Variants in SLCO1A2 observed in about 807,000 individuals in gnomAD.
SLCO1A2 encodes OATP-1.
A neutral mutation model predicts 69.0 loss-of-function variants in SLCO1A2; 67 were observed. That is an observed-to-expected ratio of 0.97 (90% CI 0.80 to 1.19). SLCO1A2 has a LOEUF of 1.19. Among genes scored for constraint, SLCO1A2 ranks in the 50% most tolerant of loss-of-function variants. The pLI is 0.00. For missense variants in SLCO1A2, 787 were observed against 793.7 expected, an observed-to-expected ratio of 0.99 and a Z score of 0.10; for synonymous variants, 260 against 265.9, an observed-to-expected ratio of 0.98 and a Z score of 0.22.
chr12:21,286,043 C>T (rs1945722117), intron 12 of SLCO1A2, among the ~76,000 whole-genome samples: 1 of 151,726 alleles, frequency 6.6e-6, no homozygotes, highest in South Asian at 2.1e-4. Flanking sequence ...AAAAGGTATT[C>T]AATTAGGAAA....
chr12:21,322,052 T>C (rs1280381892), intron 2 of SLCO1A2, among the ~76,000 whole-genome samples: 2 of 152,100 alleles, frequency 1.3e-5, no homozygotes, highest in Non-Finnish European at 2.9e-5. Flanking sequence ...AGAATAAGTA[T>C]CAAAAACATC....
At chr12:21,308,602 A>T (rs11045962) in intron 4 of SLCO1A2, among the ~76,000 whole-genome samples, 40,028 of 152,098 alleles carry the variant, frequency 0.26, 7,235 homozygotes, top group African/African-American at 0.51. Flanking sequence ...TACAAAAAAA[A>T]TGGGGGTATT....
chr12:21,373,121 T>A (rs1939919363), intron 2 of SLCO1A2: 2 of 566,098 alleles, frequency 3.5e-6, no homozygotes, highest in Admixed American at 6.1e-5. Context: ...ACAATATAAA[T>A]GTTCAGATTG....
At chr12:21,295,984 G>T (rs960478938) in intron 9 of SLCO1A2, among the ~76,000 whole-genome samples, 192 bp from the exon 10 acceptor site, 2 of 152,130 alleles carry the variant, frequency 1.3e-5, no homozygotes, top group Non-Finnish European at 2.9e-5. Flanking sequence ...CCATAATGGG[G>T]AAGTATATTT....
intron 1 of SLCO1A2, among the ~76,000 whole-genome samples, chr12:21,374,778 C>T (rs1422718579): frequency 6.6e-6 from 1 of 151,832 alleles, no homozygotes; most frequent in East Asian, 1.9e-4. Context: ...ATTTACTAAG[C>T]ACTTTTACCC....
At chr12:21,414,073 A>G (rs1436645706) in intron 1 of SLCO1A2, among the ~76,000 whole-genome samples, 1 of 106,444 alleles carries the variant, frequency 9.4e-6, no homozygotes, top group South Asian at 3.1e-4. Flanking sequence ...CCCAACCTAT[A>G]TAAGCACTAA....
rs566484008 is a variant in SLCO1A2, at chr12:21,306,874, T to A, written c.442+8A>T. On this transcript the variant is annotated splice_region_variant and intron_variant, in intron 5 of 14. Coordinates refer to ENST00000683939, the MANE Select transcript of SLCO1A2 (RefSeq NM_001386879.1). ...CTGAACAAAAATCAATACAATGAAG[T>A]AGACAACCTGATGGATCCTGCGTTG... 8.1e-6 allele frequency: 13 copies of A among 1,601,778 alleles called. No individual in the cohort carries two copies. In the African/African-American group the frequency reaches 1.7e-4, roughly 21 times the overall value.
rs1423440461 is a variant in SLCO1A2 at position 21,268,278 on chromosome 12, T to G, written c.*1270A>C. ...TATTCTGTATTTCAGCTTCCTCCAC[T>G]CTGTTGTATCCCTGCAGACACTCTC... is the stretch of plus-strand genomic sequence containing the variant. On this transcript the variant is annotated 3_prime_UTR_variant, in exon 15 of 15. Transcript: ENST00000683939. The G allele has an allele frequency of 6.6e-6, 1 of 152,054 alleles. No homozygotes were observed. Among genetic ancestry groups the G allele is most frequent in the Admixed American group, 6.6e-5 (1 of 15,218 alleles). The allele number at this position is 152,054 out of a possible 1,614,324, so 9.4% of individuals were successfully genotyped here.
chr12:21,286,551 A>G (rs1416305282), intron 12 of SLCO1A2, among the ~76,000 whole-genome samples: 1 of 79,004 alleles, frequency 1.3e-5, no homozygotes, highest in Non-Finnish European at 2.6e-5. Context: ...CGCATCGCCA[A>G]GTCAATCCTA....
intron 4 of SLCO1A2, among the ~76,000 whole-genome samples, chr12:21,310,406 C>A (rs1019598917): frequency 6.6e-6 from 1 of 152,218 alleles, no homozygotes; most frequent in Admixed American, 6.5e-5. Flanking sequence ...ATCATCTGAG[C>A]CTTCAGCGAG....
chr12:21,272,797 G>T (rs1239058183), intron 14 of SLCO1A2, among the ~76,000 whole-genome samples: 4 of 152,032 alleles, frequency 2.6e-5, no homozygotes, highest in African/African-American at 7.2e-5. Context: ...TTTGTGTGGG[G>T]TTTTTTCTTA....
At chr12:21,401,564 T>G (rs1413336220) in intron 1 of SLCO1A2, among the ~76,000 whole-genome samples, 1 of 151,904 alleles carries the variant, frequency 6.6e-6, no homozygotes, top group African/African-American at 2.4e-5. Context: ...TTAATCATAA[T>G]TTTATTGAGA....
chr12:21,293,916 A>G (rs973742238), intron 11 of SLCO1A2, 29 bp downstream of exon 11: 8 of 1,577,444 alleles, frequency 5.1e-6, no homozygotes, highest in Non-Finnish European at 6.9e-6. Flanking sequence ...ATGCAACTCA[A>G]AAAAGTTCTG....
chr12:21,391,059 A>C (rs1348865455), intron 1 of SLCO1A2, among the ~76,000 whole-genome samples: 1 of 152,136 alleles, frequency 6.6e-6, no homozygotes, highest in Non-Finnish European at 1.5e-5. Flanking sequence ...AACTATTTTG[A>C]GAGATTTAAA....
intron 1 of SLCO1A2, among the ~76,000 whole-genome samples, chr12:21,376,708 G>A (rs1940220577): frequency 4.6e-5 from 7 of 151,918 alleles, no homozygotes; most frequent in Admixed American, 3.9e-4. Flanking sequence ...TTTACTCTTA[G>A]GCTATCTCTA....
chr12:21,374,720 C>T (rs1940060966), intron 1 of SLCO1A2, among the ~76,000 whole-genome samples: 1 of 152,010 alleles, frequency 6.6e-6, no homozygotes, highest in Non-Finnish European at 1.5e-5. Flanking sequence ...GTAGTATTTC[C>T]TAGTATATCT....
upstream of SLCO1A2, among the ~76,000 whole-genome samples, chr12:21,399,862 T>G (rs1941626647): frequency 1.4e-5 from 2 of 146,944 alleles, no homozygotes; most frequent in South Asian, 2.2e-4. Flanking sequence ...TTACACCTTA[T>G]ACAAAAATCA....
intron 12 of SLCO1A2, among the ~76,000 whole-genome samples, chr12:21,280,959 C>A (rs1486587096): frequency 6.6e-6 from 1 of 151,990 alleles, no homozygotes; most frequent in Non-Finnish European, 1.5e-5. Context: ...ACTATACAAA[C>A]ACGTGGAAAT....
chr12:21,393,531 C>G (rs894915385), intron 1 of SLCO1A2, among the ~76,000 whole-genome samples: 2 of 151,978 alleles, frequency 1.3e-5, no homozygotes, highest in Non-Finnish European at 2.9e-5. Flanking sequence ...AGAGACCAGC[C>G]GGATTAAAAA....
Sources: allele counts gnomAD v4.1 joint callset (sites outside exome capture counted in the v4.1 genomes callset), GRCh38; gene constraint gnomAD v4.1.1; transcripts MANE v1.5; gene names NCBI Gene and HGNC (gene_info 2026-07-23, HGNC 2026-07-21).